Variants in SLC38A8 observed in about 807,000 individuals in gnomAD.
The protein encoded by SLC38A8 is solute carrier family 38 member 8.
SLC38A8 carries 65 observed loss-of-function variants against 46.0 expected under a neutral mutation model. The ratio of observed to expected loss-of-function variants is 1.41; its 90% CI spans 1.16 to 1.74. The LOEUF (loss-of-function observed/expected upper bound fraction) is 1.74. Ranked by LOEUF, SLC38A8 falls within the 40% of genes most tolerant of loss-of-function variation. The probability of loss-of-function intolerance (pLI) is 0.00; values close to 1 mark genes in which losing one functional copy is unlikely to be tolerated. For synonymous variants in SLC38A8, 447 were observed against 243.7 expected (o/e 1.83, Z -7.77); for missense variants, 998 against 567.9 (o/e 1.76, Z -7.70).
intron 2 of SLC38A8, 30 bp from the exon 3 acceptor site, chr16:84,036,930 G>A (rs981580719): frequency 7.6e-6 from 12 of 1,581,294 alleles, no homozygotes; most frequent in South Asian, 1.1e-5. Flanking sequence ...CCTGGAACTG[G>A]GGTGTGCCCA....
rs746805718 is a variant in SLC38A8, at chr16:84,016,734, G to A, written c.954-7C>T. 5.3e-5 allele frequency: 85 copies of A among 1,610,084 alleles called. No homozygotes were observed. The highest frequency in any genetic ancestry group is 5.6e-5 in the Non-Finnish European group (66 of 1,178,748). On this transcript the variant is annotated splice_region_variant and splice_polypyrimidine_tract_variant and intron_variant, in intron 8 of 10. Coordinates refer to ENST00000299709, the MANE Select transcript of SLC38A8 (RefSeq NM_001080442.3). ...GAAGTCCTGCATCACTGACCTGGAG[G>A]CCACAGCCAACACAGACACATGGGC... is the stretch of plus-strand genomic sequence containing the variant.
intron 2 of SLC38A8, among the ~76,000 whole-genome samples, chr16:84,037,795 T>A (rs1328890542): frequency 6.9e-6 from 1 of 144,496 alleles, no homozygotes; most frequent in Admixed American, 7.1e-5. Context: ...CATCCCTCTA[T>A]TTCAGCTTCA....
rs1388590849 is a variant in SLC38A8, at chr16:84,031,873, G to A, written c.626C>T (p.Ser209Leu). 2 of 1,614,030 alleles carry A rather than the reference G, an allele frequency of 1.2e-6. No individual in the cohort carries two copies. The highest frequency in any genetic ancestry group is 1.1e-5 in the South Asian group (1 of 91,084). ...PQGLVRESHP[S>L]LSPASWTSVF... The stretch of plus-strand genomic sequence containing the variant: ...GCTGTTCCCTCAGACTTACCTCAGT[G>A]AAGGATGGGACTCACGCACGAGGCC... Residue 209 changes from serine (S) to leucine (L), a missense_variant, in exon 5 of 11, where the codon TCA becomes TTA. Physicochemically the swap from Ser to Leu is moderately radical, Grantham distance 145 (BLOSUM62 -2). Transcript: ENST00000299709.
intron 2 of SLC38A8, among the ~76,000 whole-genome samples, chr16:84,039,196 A>C (rs1206257295): frequency 6.6e-6 from 1 of 152,142 alleles, no homozygotes; most frequent in Non-Finnish European, 1.5e-5. Flanking sequence ...AGCCCTGCTG[A>C]CACCTTCATG....
intron 9 of SLC38A8, among the ~76,000 whole-genome samples, chr16:84,015,506 G>A (rs944251470): frequency 3.9e-5 from 6 of 151,982 alleles, no homozygotes; most frequent in African/African-American, 1.5e-4. Context: ...TTAGCAGGAG[G>A]CACCAGCGGT....
intron 6 of SLC38A8, among the ~76,000 whole-genome samples, chr16:84,024,997 G>C (rs569231704): frequency 6.6e-6 from 1 of 152,018 alleles, no homozygotes; most frequent in South Asian, 2.1e-4. Context: ...TTTTTTTAAC[G>C]CAAAACATAC....
intron 10 of SLC38A8, 93 bp from the exon 11 acceptor site, chr16:84,009,970 A>G: frequency 1.0e-6 from 1 of 970,696 alleles, no homozygotes; most frequent in Non-Finnish European, 1.5e-6. Context: ...AGAGCCCAGT[A>G]TGGAGTCATC....
intron 7 of SLC38A8, among the ~76,000 whole-genome samples, chr16:84,019,295 C>G (rs974925391): frequency 6.6e-6 from 1 of 152,022 alleles, no homozygotes; most frequent in Non-Finnish European, 1.5e-5. Context: ...AGGATGCTCT[C>G]GATCTCCTGA....
chr16:84,026,185 C>A (rs1423192434), intron 6 of SLC38A8, among the ~76,000 whole-genome samples: 1 of 152,224 alleles, frequency 6.6e-6, no homozygotes, highest in Admixed American at 6.5e-5. Flanking sequence ...CAGGAGGGTG[C>A]CTCCTTTTCT....
chr16:84,023,651 T>C (rs975684494), intron 6 of SLC38A8, among the ~76,000 whole-genome samples: 2 of 152,156 alleles, frequency 1.3e-5, no homozygotes, highest in African/African-American at 4.8e-5. Flanking sequence ...CCCAGCACTT[T>C]GGGAGGCCGA....
At chr16:84,029,662 TG>T in intron 5 of SLC38A8, 111 bp from the exon 6 acceptor site, 1 of 1,061,964 alleles carries the variant, frequency 9.4e-7, no homozygotes, top group Non-Finnish European at 1.4e-6. Context: ...AGAGCATGGC[TG>T]CAAGATGTAT....
chr16:84,023,333 G>A (rs1481545004), intron 6 of SLC38A8, among the ~76,000 whole-genome samples: 1 of 152,060 alleles, frequency 6.6e-6, no homozygotes, highest in Non-Finnish European at 1.5e-5. Flanking sequence ...CAGGAATAAA[G>A]GCTCTTGTAC....
intron 10 of SLC38A8, among the ~76,000 whole-genome samples, 183 bp downstream of exon 10, chr16:84,012,818 C>T (rs550481608): frequency 4.2e-4 from 64 of 152,334 alleles, no homozygotes; most frequent in Admixed American, 4.1e-3. Flanking sequence ...GTTACTGGCC[C>T]GGGCTCCTAT....
rs182356467 is a variant in SLC38A8 at position 84,023,172 on chromosome 16, G to A, written c.691-283C>T. On this transcript the variant is annotated intron_variant, in intron 6 of 10. Coordinates refer to ENST00000299709, the MANE Select transcript of SLC38A8 (RefSeq NM_001080442.3). ...TATTTTTTAAAAAACTAGCTCTCTA[G>A]CTCATTACAAACACCCACTGCCCCT... 2.1e-3 allele frequency among the ~76,000 whole-genome samples: 314 copies of A among 151,938 alleles called. 4 individuals are homozygous for A. Among genetic ancestry groups the A allele is most frequent in the African/African-American group, 7.3e-3 (303 of 41,432 alleles).
chr16:84,033,065 C>T (rs1443243844), intron 4 of SLC38A8, among the ~76,000 whole-genome samples: 1 of 151,710 alleles, frequency 6.6e-6, no homozygotes, highest in Non-Finnish European at 1.5e-5. Flanking sequence ...GGAGGCGTCT[C>T]TCTCTCTCTG....
intron 6 of SLC38A8, among the ~76,000 whole-genome samples, chr16:84,025,822 C>A (rs1015580463): frequency 6.6e-6 from 1 of 152,262 alleles, no homozygotes; most frequent in African/African-American, 2.4e-5. Flanking sequence ...CACAGCCCTT[C>A]CGCTGGCGCG....
chr16:84,011,642 G>C (rs955244629), intron 10 of SLC38A8, among the ~76,000 whole-genome samples: 1 of 152,206 alleles, frequency 6.6e-6, no homozygotes, highest in African/African-American at 2.4e-5. Context: ...ACTGGGTTTT[G>C]CAGATGTAAT....
At chr16:84,015,769 A>C (rs190728335) in intron 9 of SLC38A8, among the ~76,000 whole-genome samples, 27 of 152,220 alleles carry the variant, frequency 1.8e-4, no homozygotes, top group Admixed American at 5.2e-4. Context: ...GCAGTGGCGC[A>C]ATCTTGGCTC....
intron 4 of SLC38A8, among the ~76,000 whole-genome samples, chr16:84,032,909 A>AGCATGGGTGGGTGTGGGTACGTGGGTGT (rs1567701258): frequency 0.016 from 1,265 of 80,354 alleles, 25 homozygotes; most frequent in African/African-American, 0.075. Context: ...TGGGTGGGTG[A>AGCATGGGTGGGTGTGGGTACGTGGGTGT]GCATGGGTGG....
Sources: allele counts gnomAD v4.1 joint callset (sites outside exome capture counted in the v4.1 genomes callset), GRCh38; gene constraint gnomAD v4.1.1; transcripts MANE v1.5; gene names NCBI Gene and HGNC (gene_info 2026-07-23, HGNC 2026-07-21).